MRPL1: variants seen among roughly 807,000 people sequenced by gnomAD.
The protein encoded by MRPL1 is mitochondrial ribosomal protein L1.
A neutral mutation model predicts 38.0 loss-of-function variants in MRPL1; 28 were observed. That is an observed-to-expected ratio of 0.74 (90% CI 0.55 to 1.01). The LOEUF (loss-of-function observed/expected upper bound fraction) is 1.01, where lower values mean the gene tolerates loss of function less well. MRPL1 is among the 50% of genes least tolerant of loss of function. The pLI, the probability that MRPL1 is intolerant of heterozygous loss-of-function variation, is 0.00. For missense variants in MRPL1, 358 were observed against 389.8 expected (o/e 0.92, Z 0.69); for synonymous variants, 123 against 126.7 (o/e 0.97, Z 0.20).
At chr4:77,874,535 G>T (rs866765450) in intron 2 of MRPL1, among the ~76,000 whole-genome samples, 12 of 152,074 alleles carry the variant, frequency 7.9e-5, no homozygotes, top group South Asian at 4.1e-4. Flanking sequence ...TAGAATTGTT[G>T]GGTCAAAAGA....
intron 7 of MRPL1, among the ~76,000 whole-genome samples, chr4:77,946,340 T>C (rs1037380840): frequency 1.3e-5 from 2 of 151,298 alleles, no homozygotes; most frequent in East Asian, 1.9e-4. Context: ...TCTGTTCTTT[T>C]TGAAAGTGCA....
At chr4:77,900,913 A>G (rs1194169927) in intron 6 of MRPL1, among the ~76,000 whole-genome samples, 4 of 152,118 alleles carry the variant, frequency 2.6e-5, no homozygotes, top group Non-Finnish European at 5.9e-5. Context: ...AGAGTCTGGT[A>G]GTGGCAGTGA....
intron 7 of MRPL1, among the ~76,000 whole-genome samples, chr4:77,940,307 A>G (rs1344729566): frequency 1.3e-5 from 2 of 152,036 alleles, no homozygotes; most frequent in South Asian, 2.1e-4. Flanking sequence ...TTTTGGAGCT[A>G]TTGTAAAGAG....
chr4:77,901,839 C>G (rs565851964), intron 6 of MRPL1, among the ~76,000 whole-genome samples: 1 of 152,206 alleles, frequency 6.6e-6, no homozygotes, highest in Non-Finnish European at 1.5e-5. Flanking sequence ...TTGAACAACA[C>G]TCTTAGTCAT....
intron 3 of MRPL1, 92 bp from the exon 4 acceptor site, chr4:77,885,163 GA>G: frequency 2.1e-6 from 2 of 955,590 alleles, no homozygotes; most frequent in South Asian, 1.4e-5. Context: ...TCAGAACACT[GA>G]AAACAAAACA....
chr4:77,883,336 G>T lies in MRPL1; in HGVS notation c.238G>T (p.Gly80Cys). The T allele has an allele frequency of 6.2e-7, 1 of 1,613,660 alleles. No individual in the cohort carries two copies. The highest frequency in any genetic ancestry group is 8.5e-7 in the Non-Finnish European group (1 of 1,179,840). Reference sequence around the variant, plus strand: ...AATAAAAGCATATCCCTATATGGAAGGCGAACCTGAGGATGATGTCTATTT... The same window carrying T: ...AATAAAAGCATATCCCTATATGGAATGCGAACCTGAGGATGATGTCTATTT... ...EKIKAYPYME[G>C]EPEDDVYLKR... Residue 80 changes from glycine to cysteine, a missense_variant, in exon 3 of 9, where the codon GGC becomes TGC. By Grantham distance (159) the Gly-to-Cys change is radical. Transcript: ENST00000315567.
At chr4:77,884,490 G>T (rs1236950454) in intron 3 of MRPL1, among the ~76,000 whole-genome samples, 1 of 152,176 alleles carries the variant, frequency 6.6e-6, no homozygotes, top group Admixed American at 6.5e-5. Flanking sequence ...TGGTCAAAAT[G>T]ACTAGACAGA....
At chr4:77,889,892 A>C (rs1735769752) in intron 5 of MRPL1, among the ~76,000 whole-genome samples, 1 of 152,206 alleles carries the variant, frequency 6.6e-6, no homozygotes, top group Admixed American at 6.5e-5. Context: ...GAAATGGATA[A>C]ATTCCTGGAC....
intron 7 of MRPL1, among the ~76,000 whole-genome samples, chr4:77,929,770 A>T (rs976116686): frequency 1.9e-4 from 2 of 10,334 alleles, no homozygotes; most frequent in Non-Finnish European, 3.4e-4. Context: ...GGTTTTATTT[A>T]AAAAAAAAAA....
At chr4:77,866,698 C>T (rs942356256) in intron 1 of MRPL1, among the ~76,000 whole-genome samples, 2 of 151,608 alleles carry the variant, frequency 1.3e-5, no homozygotes, top group Admixed American at 6.6e-5. Context: ...TTGGTGTTTG[C>T]GTGGCTAACT....
intron 7 of MRPL1, among the ~76,000 whole-genome samples, chr4:77,945,352 C>T (rs994248903): frequency 2.0e-5 from 3 of 151,960 alleles, no homozygotes; most frequent in Non-Finnish European, 2.9e-5. Flanking sequence ...GACAACTGGT[C>T]TAACAAGTGC....
chr4:77,919,581 A>G (rs1736515729), intron 7 of MRPL1, among the ~76,000 whole-genome samples: 1 of 152,192 alleles, frequency 6.6e-6, no homozygotes, highest in Non-Finnish European at 1.5e-5. Context: ...TAATCAAAGA[A>G]TGGAACTTTC....
At chr4:77,888,310 G>A (rs1477107778) in intron 5 of MRPL1, among the ~76,000 whole-genome samples, 2 of 152,216 alleles carry the variant, frequency 1.3e-5, no homozygotes, top group East Asian at 3.9e-4. Flanking sequence ...TTTGGGACCA[G>A]CCTGGCCAAC....
intron 5 of MRPL1, among the ~76,000 whole-genome samples, chr4:77,887,617 C>T (rs1735712357): frequency 1.3e-5 from 2 of 152,110 alleles, no homozygotes; most frequent in Admixed American, 6.6e-5. Context: ...CCTTGAACTC[C>T]TGAGCTCAAG....
At chr4:77,901,494 C>T (rs1156939226) in intron 6 of MRPL1, among the ~76,000 whole-genome samples, 1 of 151,104 alleles carries the variant, frequency 6.6e-6, no homozygotes, top group African/African-American at 2.4e-5. Flanking sequence ...CAACTATATG[C>T]TGTCTACAAG....
chr4:77,862,875 T>C lies in MRPL1; in HGVS notation c.27T>C (p.Gly9=), dbSNP rs1282734868. The C allele has an allele frequency of 5.0e-6, 8 of 1,613,860 alleles. No individual in the cohort carries two copies. Among genetic ancestry groups the C allele is most frequent in the Non-Finnish European group, 6.8e-6 (8 of 1,179,940 alleles). MAAAVRCM[G]RALIHHQRHS... ...TGGCGGCGGCCGTAAGGTGCATGGG[T>C]AGAGGTAAGGCGAGGGGTTGTCTTG... The change falls in exon 1 of 9, where the codon GGT becomes GGC. Residue 9 remains glycine (G), a synonymous_variant. Coordinates refer to ENST00000315567, the MANE Select transcript of MRPL1 (RefSeq NM_020236.4).
intron 1 of MRPL1, among the ~76,000 whole-genome samples, chr4:77,863,762 C>T (rs1330262959): frequency 2.6e-5 from 4 of 152,056 alleles, no homozygotes. Context: ...GCACTGCGCC[C>T]GGCCTGTGCA....
intron 5 of MRPL1, among the ~76,000 whole-genome samples, chr4:77,892,072 A>G (rs918875959): frequency 6.6e-6 from 1 of 151,830 alleles, no homozygotes; most frequent in Non-Finnish European, 1.5e-5. Context: ...AAATTAGTTT[A>G]TCATTTTGCT....
At position 77,871,750 on chromosome 4, in the gene MRPL1, T is replaced by A. The variant is rs770452394; in HGVS notation, c.38T>A (p.Ile13Lys). ...ACATGTTTTTCCTTTCAAGCCTTGA[T>A]ACATCATCAAAGGCATAGCCTTTCC... Reference protein sequence around the residue: ...AAVRCMGRALIHHQRHSLSKM... With the variant: ...AAVRCMGRALKHHQRHSLSKM... The change falls in exon 2 of 9, where the codon ATA becomes AAA. Residue 13 changes from isoleucine to lysine, a missense_variant. By Grantham distance (102) the Ile-to-Lys change is moderately radical (BLOSUM62 -3). Transcript: ENST00000315567. 6.6e-7 allele frequency: 1 copy of A among 1,517,606 alleles called. No individual in the cohort carries two copies. The highest frequency in any genetic ancestry group is 8.9e-7 in the Non-Finnish European group (1 of 1,126,726). The allele number at this position is 1,517,606 out of a possible 1,614,324, so 94.0% of individuals were successfully genotyped here. A position where few individuals can be genotyped will look rare whatever the true frequency, so the allele number is the denominator to read the frequency against.
Sources: gnomAD v4.1 joint callset for allele counts (sites outside exome capture counted in the v4.1 genomes callset) on GRCh38, gnomAD v4.1.1 for gene constraint, MANE v1.5 for transcripts, NCBI Gene and HGNC (gene_info 2026-07-23, HGNC 2026-07-21) for gene names.